The following GPM6B variants were observed in gnomAD, a reference collection of about 807,000 sequenced individuals.
GPM6B encodes the protein neuronal membrane glycoprotein M6-b.
A neutral mutation model predicts 27.2 loss-of-function variants in GPM6B; 4 were observed. The ratio of observed to expected loss-of-function variants is 0.15; its 90% CI spans 0.07 to 0.34. GPM6B has a LOEUF of 0.34. GPM6B is among the 10% of genes least tolerant of loss of function. The pLI is 1.00. For missense variants in GPM6B, 183 were observed against 261.9 expected, an observed-to-expected ratio of 0.70 and a Z score of 2.08; for synonymous variants, 124 against 103.1, an observed-to-expected ratio of 1.20 and a Z score of -1.23.
At chrX:13,862,194 T>A (rs1244954009) in intron 1 of GPM6B, among the ~76,000 whole-genome samples, 2 of 111,259 alleles carry the variant, frequency 1.8e-5, no homozygotes, top group South Asian at 7.7e-4. Flanking sequence ...CAACAACAAC[T>A]ACAACAAAAA....
At chrX:13,812,381 G>C (rs2049154182) in intron 1 of GPM6B, among the ~76,000 whole-genome samples, 1 of 111,559 alleles carries the variant, frequency 9.0e-6, no homozygotes, top group Non-Finnish European at 1.9e-5. Flanking sequence ...ATAAATGAAT[G>C]AACAACAAAG....
intron 2 of GPM6B, among the ~76,000 whole-genome samples, chrX:13,798,378 C>T (rs2048854787): frequency 9.3e-6 from 1 of 107,833 alleles, no homozygotes; most frequent in African/African-American, 3.4e-5. Flanking sequence ...GGGCAGGAGG[C>T]TACAGTGAGG....
intron 1 of GPM6B, among the ~76,000 whole-genome samples, chrX:13,859,313 A>G (rs1415049279): frequency 8.9e-6 from 1 of 112,104 alleles, no homozygotes; most frequent in African/African-American, 3.2e-5. Flanking sequence ...AGAATGTTAC[A>G]TAAATGAAAT....
chrX:13,903,624 C>G (rs370915239), intron 1 of GPM6B, among the ~76,000 whole-genome samples: 4 of 112,347 alleles, frequency 3.6e-5, no homozygotes, highest in South Asian at 3.7e-4. Flanking sequence ...AGTTCGTCAT[C>G]ATGAACACCG....
intron 5 of GPM6B, among the ~76,000 whole-genome samples, chrX:13,778,673 G>T (rs897503825): frequency 8.9e-6 from 1 of 111,891 alleles, no homozygotes; most frequent in African/African-American, 3.3e-5. Flanking sequence ...ACAATAAATA[G>T]GCAAATATAG....
At chrX:13,874,946 C>CG (rs1569278807) in intron 1 of GPM6B, among the ~76,000 whole-genome samples, 2 of 99,889 alleles carry the variant, frequency 2.0e-5, no homozygotes, top group African/African-American at 7.6e-5. Context: ...ATCCCCCCCC[C>CG]ACCCCCGCTT....
intron 4 of GPM6B, among the ~76,000 whole-genome samples, chrX:13,780,331 C>G (rs1017343643): frequency 8.9e-6 from 1 of 111,977 alleles, no homozygotes; most frequent in Non-Finnish European, 1.9e-5. Flanking sequence ...AAGAGGTGCT[C>G]TTTCTAAATA....
intron 1 of GPM6B, among the ~76,000 whole-genome samples, chrX:13,923,492 T>G (rs1921025623): frequency 8.9e-6 from 1 of 112,629 alleles, no homozygotes; most frequent in African/African-American, 3.2e-5. Flanking sequence ...AACAAACTGC[T>G]TTCCGGAATA....
chrX:13,845,013 G>A lies in GPM6B; in HGVS notation c.-197-59205C>T, dbSNP rs186946245. Among the ~76,000 whole-genome samples the A allele has an allele frequency of 5.5e-4, 55 of 99,990 alleles. 1 individual carries two copies. In the East Asian group the frequency reaches 7.6e-3, roughly 14 times the overall value. The allele number at this position is 99,990 out of a possible 115,157, so 86.8% of individuals were successfully genotyped here. ...TTTTCTTTTTTTTTTTTTTTGAGAC[G>A]GAGTCTCGCTCTGTTGCCCAGGCTG... is the stretch of plus-strand genomic sequence containing the variant. On this transcript the variant is annotated intron_variant, in intron 1 of 6. Coordinates refer to the GPM6B transcript ENST00000398361.
At chrX:13,804,288 G>A (rs1240203972) in intron 2 of GPM6B, among the ~76,000 whole-genome samples, 2 of 110,680 alleles carry the variant, frequency 1.8e-5, no homozygotes, top group African/African-American at 6.6e-5. Context: ...GTCTGGAAGT[G>A]CTCCCTCCAA....
intron 1 of GPM6B, among the ~76,000 whole-genome samples, chrX:13,888,441 G>A (rs1229309501): frequency 8.9e-6 from 1 of 112,289 alleles, no homozygotes; most frequent in Non-Finnish European, 1.9e-5. Flanking sequence ...AACTGAGCCA[G>A]TATTTGGCGG....
intron 1 of GPM6B, among the ~76,000 whole-genome samples, chrX:13,925,620 C>T (rs2147073132): frequency 9.2e-6 from 1 of 109,173 alleles, no homozygotes; most frequent in East Asian, 2.9e-4. Flanking sequence ...AAAAATGCCA[C>T]AAAAACTATG....
intron 1 of GPM6B, among the ~76,000 whole-genome samples, chrX:13,855,016 A>T: frequency 1.1e-5 from 1 of 93,855 alleles, no homozygotes; most frequent in East Asian, 3.8e-4. Context: ...CCTCATAGTT[A>T]GCCACTCCCC....
intron 1 of GPM6B, among the ~76,000 whole-genome samples, chrX:13,906,091 C>T (rs2050328363): frequency 8.9e-6 from 1 of 112,331 alleles, no homozygotes; most frequent in Non-Finnish European, 1.9e-5. Flanking sequence ...TTAGAGAGAT[C>T]AAATGTAAAG....
intron 2 of GPM6B, among the ~76,000 whole-genome samples, chrX:13,786,453 T>G (rs2048614833): frequency 9.0e-6 from 1 of 111,653 alleles, no homozygotes; most frequent in African/African-American, 3.3e-5. Context: ...CAAGAGCCAC[T>G]CAAGTGGGTC....
At chrX:13,783,577 C>T (rs1413635195) in intron 3 of GPM6B, 56 bp from the exon 4 acceptor site, 9 of 947,401 alleles carry the variant, frequency 9.5e-6, no homozygotes, top group South Asian at 6.9e-5. Context: ...GTAGTGACTA[C>T]GTTTCTGGAC....
intron 1 of GPM6B, among the ~76,000 whole-genome samples, chrX:13,832,402 T>C (rs2049449548): frequency 8.9e-6 from 1 of 112,440 alleles, no homozygotes; most frequent in African/African-American, 3.2e-5. Context: ...ATCCGAAATT[T>C]ACTTTCTGAT....
intron 1 of GPM6B, among the ~76,000 whole-genome samples, chrX:13,880,504 G>A (rs956359535): frequency 2.8e-4 from 30 of 108,457 alleles, no homozygotes; most frequent in Non-Finnish European, 3.2e-4. Context: ...GTGAAACCCC[G>A]TCTCTACTAA....
chrX:13,902,524 G>A (rs1224949407), intron 1 of GPM6B, among the ~76,000 whole-genome samples: 3 of 110,823 alleles, frequency 2.7e-5, no homozygotes, highest in Non-Finnish European at 5.7e-5. Flanking sequence ...CAGAGTTTAA[G>A]TGGTTTGATC....
Sources: allele counts gnomAD v4.1 joint callset (sites outside exome capture counted in the v4.1 genomes callset), GRCh38; gene constraint gnomAD v4.1.1; transcripts MANE v1.5; gene names NCBI Gene and HGNC (gene_info 2026-07-23, HGNC 2026-07-21).